The following CNTN5 variants were observed in gnomAD, a reference collection of about 807,000 sequenced individuals.
The protein encoded by CNTN5 is contactin 5, also known as contactin-5.
Under a neutral mutation model 129.1 loss-of-function variants are expected in CNTN5, and 77 were observed. The ratio of observed to expected loss-of-function variants is 0.60; its 90% CI spans 0.50 to 0.72. CNTN5 has a LOEUF of 0.72. Among genes scored for constraint, CNTN5 ranks in the 30% least tolerant of loss-of-function variants. The pLI, the probability that CNTN5 is intolerant of heterozygous loss-of-function variation, is 0.00. For synonymous variants in CNTN5, 509 were observed against 465.6 expected (o/e 1.09, Z -1.20); for missense variants, 1,478 against 1,328.8 (o/e 1.11, Z -1.75).
intron 3 of CNTN5, among the ~76,000 whole-genome samples, chr11:99,575,364 A>G (rs1038266807): frequency 1.3e-5 from 2 of 152,188 alleles, no homozygotes; most frequent in Non-Finnish European, 2.9e-5. Flanking sequence ...GGAAAAAGTG[A>G]TGATTTTCTT....
chr11:100,076,839 A>G (rs1415730082), intron 13 of CNTN5, among the ~76,000 whole-genome samples: 1 of 152,132 alleles, frequency 6.6e-6, no homozygotes, highest in African/African-American at 2.4e-5. Context: ...CACTTACAAA[A>G]TACCATTTTT....
intron 1 of CNTN5, among the ~76,000 whole-genome samples, chr11:99,082,924 A>T (rs951210458): frequency 1.3e-5 from 2 of 152,122 alleles, no homozygotes; most frequent in Non-Finnish European, 2.9e-5. Context: ...GAAATACGCC[A>T]GAATCTTCAC....
intron 1 of CNTN5, among the ~76,000 whole-genome samples, chr11:99,237,657 A>G (rs1299241220): frequency 6.6e-6 from 1 of 151,974 alleles, no homozygotes; most frequent in African/African-American, 2.4e-5. Flanking sequence ...CCCCAGCCTG[A>G]TGACAAAACA....
At chr11:99,106,660 A>G (rs536467051) in intron 1 of CNTN5, among the ~76,000 whole-genome samples, 1 of 152,222 alleles carries the variant, frequency 6.6e-6, no homozygotes, top group South Asian at 2.1e-4. Flanking sequence ...TATCTTAAAC[A>G]GTTAGATTAA....
chr11:99,950,732 T>A (rs1452249968), intron 7 of CNTN5, among the ~76,000 whole-genome samples: 1 of 152,240 alleles, frequency 6.6e-6, no homozygotes. Flanking sequence ...TTCTTCATGT[T>A]GAACACTCAT....
At position 99,302,064 on chromosome 11, in the gene CNTN5, C is replaced by T. The variant is rs542839566; in HGVS notation, c.-209-23282C>T. Among the ~76,000 whole-genome samples the T allele has an allele frequency of 4.0e-5, 6 of 151,362 alleles. No individual in the cohort carries two copies. In the East Asian group the frequency reaches 5.8e-4, roughly 15 times the overall value. On this transcript the variant is annotated intron_variant, in intron 1 of 24. Coordinates refer to ENST00000524871, the MANE Select transcript of CNTN5 (RefSeq NM_014361.4). ...AAAAACACAATATGTCAAAACTTGTCGGATACATTTGTAGCAGTTTGTAGA... is the reference window on the plus strand; with the variant it reads ...AAAAACACAATATGTCAAAACTTGTTGGATACATTTGTAGCAGTTTGTAGA...
intron 1 of CNTN5, among the ~76,000 whole-genome samples, chr11:99,080,112 G>T (rs1287137078): frequency 6.6e-6 from 1 of 152,054 alleles, no homozygotes; most frequent in Non-Finnish European, 1.5e-5. Flanking sequence ...TGATTTTATG[G>T]TAAATTGTTT....
intron 2 of CNTN5, among the ~76,000 whole-genome samples, chr11:99,531,991 T>C (rs1459788656): frequency 2.0e-5 from 3 of 151,946 alleles, no homozygotes; most frequent in African/African-American, 7.3e-5. Flanking sequence ...TTAGTGGAGC[T>C]CTGAGAAGAG....
intron 3 of CNTN5, among the ~76,000 whole-genome samples, chr11:99,774,154 A>G (rs1945039389): frequency 6.6e-6 from 1 of 152,016 alleles, no homozygotes; most frequent in Non-Finnish European, 1.5e-5. Context: ...CCCCTATAAC[A>G]TTATGAGTTT....
chr11:99,596,518 A>G (rs1447369727), intron 3 of CNTN5, among the ~76,000 whole-genome samples: 3 of 152,180 alleles, frequency 2.0e-5, no homozygotes, highest in Non-Finnish European at 4.4e-5. Flanking sequence ...TCACAGATTT[A>G]GGGAAAAAGC....
chr11:100,238,346 G>A (rs930307674), intron 16 of CNTN5, among the ~76,000 whole-genome samples: 1 of 148,596 alleles, frequency 6.7e-6, no homozygotes, highest in Non-Finnish European at 1.5e-5. Context: ...TTCTCACTCT[G>A]GCACTAACTA....
chr11:99,182,836 G>A (rs966465), intron 1 of CNTN5, among the ~76,000 whole-genome samples: 139,790 of 152,228 alleles, frequency 0.92, 64,282 homozygotes, highest in East Asian at 1. Flanking sequence ...AATTCCTGAC[G>A]TTGAGCTTCA....
At chr11:99,053,382 G>A (rs1170872410) in intron 1 of CNTN5, among the ~76,000 whole-genome samples, 1 of 151,648 alleles carries the variant, frequency 6.6e-6, no homozygotes, top group Non-Finnish European at 1.5e-5. Context: ...AATTCTTCTG[G>A]GGTCTTATGC....
intron 1 of CNTN5, among the ~76,000 whole-genome samples, chr11:99,188,266 A>G (rs934663903): frequency 6.6e-6 from 1 of 151,742 alleles, no homozygotes; most frequent in African/African-American, 2.4e-5. Context: ...GTCACTTCCT[A>G]TTTTGGCAGT....
chr11:99,627,775 G>T (rs1454941618), intron 3 of CNTN5, among the ~76,000 whole-genome samples: 2 of 151,778 alleles, frequency 1.3e-5, no homozygotes, highest in Non-Finnish European at 2.9e-5. Context: ...GAAAGGACAA[G>T]ATCTGAAAGG....
Position 100,356,371 on chromosome 11 carries a change from A to T in CNTN5, c.*151A>T. The T allele has an allele frequency of 1.6e-6, 1 of 618,406 alleles. No homozygotes were observed. Among genetic ancestry groups the T allele is most frequent in the Non-Finnish European group, 2.9e-6 (1 of 346,286 alleles). The allele number at this position is 618,406 out of a possible 1,614,324, so 38.3% of individuals were successfully genotyped here. A position where few individuals can be genotyped will look rare whatever the true frequency, so the allele number is the denominator to read the frequency against. Reference sequence around the variant, plus strand: ...GTGAACTTACAGGAGGTTAGGGGGGAAATATTACTTATCCATCAGGTTTCT... The same window carrying T: ...GTGAACTTACAGGAGGTTAGGGGGGTAATATTACTTATCCATCAGGTTTCT... On this transcript the variant is annotated 3_prime_UTR_variant, in exon 25 of 25. Transcript: ENST00000524871.
chr11:99,416,646 T>A (rs1942668840), intron 2 of CNTN5, among the ~76,000 whole-genome samples: 1 of 151,978 alleles, frequency 6.6e-6, no homozygotes, highest in Non-Finnish European at 1.5e-5. Context: ...GTAAAGGAAT[T>A]TACCAAGACA....
At chr11:99,832,615 G>T (rs903503218) in intron 4 of CNTN5, among the ~76,000 whole-genome samples, 2 of 152,168 alleles carry the variant, frequency 1.3e-5, no homozygotes, top group Non-Finnish European at 2.9e-5. Context: ...AAAGTTAAAA[G>T]AAGATTTGGA....
chr11:99,814,571 G>A (rs1459831592), intron 3 of CNTN5, among the ~76,000 whole-genome samples: 1 of 149,996 alleles, frequency 6.7e-6, no homozygotes, highest in Non-Finnish European at 1.5e-5. Flanking sequence ...GAGAGAGTTA[G>A]CCTGGGAAAA....
Sources: gnomAD v4.1 joint callset for allele counts (sites outside exome capture counted in the v4.1 genomes callset) on GRCh38, gnomAD v4.1.1 for gene constraint, MANE v1.5 for transcripts, NCBI Gene and HGNC (gene_info 2026-07-23, HGNC 2026-07-21) for gene names.